The following RNF213 variants were observed in gnomAD, a reference collection of about 807,000 sequenced individuals.
RNF213 encodes E3 ubiquitin-protein ligase RNF213.
In RNF213, 341 loss-of-function variants were observed where a neutral mutation model predicts 514.4. That is an observed-to-expected ratio of 0.66 (90% CI 0.61 to 0.73). The LOEUF is 0.73. RNF213 is among the 30% of genes least tolerant of loss of function. The probability of loss-of-function intolerance (pLI) is 0.00; values close to 1 mark genes in which losing one functional copy is unlikely to be tolerated. For missense variants in RNF213, 5,767 were observed against 6,615.6 expected, an observed-to-expected ratio of 0.87 and a Z score of 4.45; for synonymous variants, 2,655 against 2,658.2, an observed-to-expected ratio of 1.00 and a Z score of 0.04.
At chr17:80,268,962 T>G (rs1485576568) in intron 2 of RNF213, among the ~76,000 whole-genome samples, 2 of 152,154 alleles carry the variant, frequency 1.3e-5, no homozygotes, top group Non-Finnish European at 2.9e-5. Flanking sequence ...CTTCAGTCTG[T>G]GGCTGAAGAC....
chr17:80,383,536 A>G, intron 58 of RNF213, 141 bp from the exon 59 acceptor site: 1 of 818,906 alleles, frequency 1.2e-6, no homozygotes, highest in East Asian at 2.5e-5. Flanking sequence ...AGAAGATCAA[A>G]GGGAATACCT....
intron 39 of RNF213, among the ~76,000 whole-genome samples, chr17:80,362,600 G>A (rs1367710493): frequency 6.6e-6 from 1 of 152,262 alleles, no homozygotes; most frequent in Non-Finnish European, 1.5e-5. Context: ...CCACGCGGCT[G>A]ACAGTGTAGC....
rs772480406 is a variant in RNF213 at position 80,348,123 on chromosome 17, C to T, written c.9788C>T (p.Thr3263Met). ...EAKSILLNCA[T>M]PDAVVRLSAY... ...AAATCGATCCTGCTGAACTGCGCTA[C>T]GCCCGATGCCGTGGTCCGGCTGAGC... The change falls in exon 29 of 68, where the codon ACG becomes ATG. Residue 3263 changes from threonine (T) to methionine (M), a missense_variant. Coordinates refer to ENST00000582970, the MANE Select transcript of RNF213 (RefSeq NM_001256071.3). 13 of 1,613,996 alleles carry T rather than the reference C, an allele frequency of 8.1e-6. No homozygotes were observed. In the East Asian group the frequency reaches 1.3e-4, roughly 17 times the overall value.
At chr17:80,316,990 G>A (rs2045968766) in intron 15 of RNF213, among the ~76,000 whole-genome samples, 198 bp from the exon 16 acceptor site, 1 of 152,240 alleles carries the variant, frequency 6.6e-6, no homozygotes, top group Admixed American at 6.5e-5. Context: ...TTGGGTCTCT[G>A]ATTCTAGAAA....
At chr17:80,371,695 T>C (rs1170823237) in intron 46 of RNF213, 179 bp from the exon 47 acceptor site, 1 of 535,972 alleles carries the variant, frequency 1.9e-6, no homozygotes. Context: ...GTGAGTTTTA[T>C]ATTCCTCCAG....
In RNF213 at chr17:80,337,515, G is replaced by C; in HGVS notation, c.4528-71G>C. 6 of 1,510,606 alleles carry C rather than the reference G, an allele frequency of 4.0e-6. No individual in the cohort carries two copies. The South Asian group carries it at 7.4e-5, about 19-fold the overall frequency. 93.6% of individuals were successfully genotyped at this position (1,510,606 alleles called of 1,614,324 possible). A position where few individuals can be genotyped will look rare whatever the true frequency, so the allele number is the denominator to read the frequency against. ...TGCAGCGAGGCAGAGGCGGGAGGCC[G>C]ACCACAGGAGGGAGAAGGGCAAGAT... On this transcript the variant is annotated intron_variant, in intron 23 of 67. Transcript: ENST00000582970.
Position 80,390,155 on chromosome 17 carries a change from C to G in RNF213, c.15429C>G (p.Asn5143Lys). ...AAATGATAATCTTGAAACTAAAGAA[C>G]CCCCAAACCCAAACCGAGGAGCGCT... ...LHEMIILKLK[N>K]PQTQTEERFR... Residue 5143 changes from asparagine (N) to lysine (K), a missense_variant, in exon 67 of 68, where the codon AAC (asparagine) becomes AAG (lysine). Physicochemically the swap from Asn to Lys is moderately conservative, Grantham distance 94 (BLOSUM62 0). Coordinates refer to ENST00000582970, the MANE Select transcript of RNF213 (RefSeq NM_001256071.3). The G allele has an allele frequency of 1.9e-6, 3 of 1,614,176 alleles. No individual in the cohort carries two copies. The highest frequency in any genetic ancestry group is 2.5e-6 in the Non-Finnish European group (3 of 1,180,044).
At position 80,354,552 on chromosome 17, in the gene RNF213, C is replaced by A. The variant is rs2078659511; in HGVS notation, c.10838C>A (p.Ala3613Asp). ...GCAAGGGAAGCCTGCAACCAGGACG[C>A]TCTCCAGGAGGCGGGCACATTCAGG... ...WLAREACNQD[A>D]LQEAGTFRHT... Residue 3613 changes from alanine (A) to aspartate (D), a missense_variant, in exon 36 of 68, where the codon GCT (alanine) becomes GAT (aspartate). Around this residue, in one of 13 missense-constraint regions of RNF213, gnomAD observed 919 missense variants for 1,121.0 expected, o/e 0.82. Transcript: ENST00000582970. 1 of 1,614,104 alleles carries A rather than the reference C, an allele frequency of 6.2e-7. No individual in the cohort carries two copies. The highest frequency in any genetic ancestry group is 8.5e-7 in the Non-Finnish European group (1 of 1,180,050).
intron 18 of RNF213, 37 bp downstream of exon 18, chr17:80,325,235 C>T (rs2046248983): frequency 1.3e-6 from 2 of 1,499,788 alleles, no homozygotes; most frequent in African/African-American, 2.8e-5. Context: ...TCAGCTCAGG[C>T]AAGGTGGTGT....
rs766500100 is a variant in RNF213 at position 80,375,879 on chromosome 17, C to T, written c.13185+9C>T. On this transcript the variant is annotated intron_variant, in intron 51 of 67. Transcript: ENST00000582970. ...TCCACCCCACGCCAGAGGTGAGTAA[C>T]CGCCTGCAGGGCTGTGTTCAAAGTC... is the stretch of plus-strand genomic sequence containing the variant. The T allele has an allele frequency of 7.1e-6, 11 of 1,552,034 alleles. No individual in the cohort carries two copies. The Admixed American group carries it at 1.8e-4, about 26-fold the overall frequency.
intron 62 of RNF213, 49 bp from the exon 63 acceptor site, chr17:80,386,641 G>C (rs1282825923): frequency 4.4e-6 from 7 of 1,592,484 alleles, no homozygotes; most frequent in African/African-American, 1.3e-5. Flanking sequence ...TAGAGCCCTA[G>C]GCCCGCATGC....
In RNF213 at chr17:80,295,766, A is replaced by G. The variant is rs1182194724; in HGVS notation, c.1965A>G (p.Pro655=). 3 of 1,614,240 alleles carry G rather than the reference A, an allele frequency of 1.9e-6. No individual in the cohort carries two copies. The South Asian group carries it at 3.3e-5, about 18-fold the overall frequency. ...CHLLTSDASS[P]DEFHRDLSHI... is the part of the protein sequence containing the mutation. ...TCCTAACCTCAGATGCCAGCTCACC[A>G]GATGAGTTTCACCGTGACCTAAGCC... The change falls in exon 10 of 68, where the codon CCA becomes CCG. Residue 655 remains proline, a synonymous_variant. Coordinates refer to ENST00000582970, the MANE Select transcript of RNF213 (RefSeq NM_001256071.3).
At chr17:80,333,636 G>C (rs1018489568) in intron 21 of RNF213, among the ~76,000 whole-genome samples, 2 of 151,438 alleles carry the variant, frequency 1.3e-5, no homozygotes, top group Admixed American at 6.6e-5. Flanking sequence ...GGAGGTTGCA[G>C]TGAACCGAGA....
At position 80,349,421 on chromosome 17, in the gene RNF213, A is replaced by C. The variant is rs567255994; in HGVS notation, c.9952-349A>C. On this transcript the variant is annotated intron_variant, in intron 29 of 67. Coordinates refer to ENST00000582970, the MANE Select transcript of RNF213 (RefSeq NM_001256071.3). ...AGCACCAACCACGAACTCCATCTGAAAGCATGAGTCGTACTATAACAGGAA... is the reference window on the plus strand; with the variant it reads ...AGCACCAACCACGAACTCCATCTGACAGCATGAGTCGTACTATAACAGGAA... 2.0e-5 allele frequency among the ~76,000 whole-genome samples: 3 copies of C among 152,246 alleles called. No homozygotes were observed. In the South Asian group the frequency reaches 6.2e-4, roughly 32 times the overall value.
Position 80,377,048 on chromosome 17 carries a change from G to A in RNF213, c.13510+85G>A, listed in dbSNP as rs2079789258. 2.8e-6 allele frequency: 3 copies of A among 1,089,358 alleles called. No individual in the cohort carries two copies. The highest frequency in any genetic ancestry group is 4.1e-6 in the Non-Finnish European group (3 of 724,126). The allele number at this position is 1,089,358 out of a possible 1,614,324, so 67.5% of individuals were successfully genotyped here. A position where few individuals can be genotyped will look rare whatever the true frequency, so the allele number is the denominator to read the frequency against. On this transcript the variant is annotated intron_variant, in intron 53 of 67. Transcript: ENST00000582970. The surrounding 1 kb of genome is among the most constrained non-coding windows in gnomAD (Gnocchi z 4.1). ...CTATGAAGCATTGGGTTCGACTTGG[G>A]GTCCACGTGGTTTGTGCCTCAGGGT...
At position 80,389,226 on chromosome 17, in the gene RNF213, C is replaced by CA; in HGVS notation, c.15055dup (p.Ser5019LysfsTer5). 1 of 1,614,226 alleles carries CA rather than the reference C, an allele frequency of 6.2e-7. No individual in the cohort carries two copies. Among genetic ancestry groups the CA allele is most frequent in the Non-Finnish European group, 8.5e-7 (1 of 1,180,030 alleles). On this transcript the variant is annotated frameshift_variant, in exon 65 of 68. Coordinates refer to ENST00000582970, the MANE Select transcript of RNF213 (RefSeq NM_001256071.3). LOFTEE classifies it high-confidence loss of function. ...CCATCAGTGGACAGCTGCAGTCCTA[C>CA]AGCGATGCCTGTGAAGTGCTGTCTG...
chr17:80,349,907 G>A lies in RNF213; in HGVS notation c.10088+1G>A. 6.2e-7 allele frequency: 1 copy of A among 1,613,146 alleles called. No individual in the cohort carries two copies. The highest frequency in any genetic ancestry group is 8.5e-7 in the Non-Finnish European group (1 of 1,179,808). On this transcript the variant is annotated splice_donor_variant, in intron 30 of 67. Transcript: ENST00000582970. LOFTEE classifies it high-confidence loss of function. ...AGTACTCATTCCTCAAAGAAGTCCG[G>A]TGAGGTTCCCTGCCTTCCCTGCTGC...
rs944500375 is a variant in RNF213 at position 80,394,117 on chromosome 17, G to A, written c.*619G>A. On this transcript the variant is annotated 3_prime_UTR_variant, in exon 68 of 68. Coordinates refer to ENST00000582970, the MANE Select transcript of RNF213 (RefSeq NM_001256071.3). ...GTGAGCCACTGCCCCACTTCAGAGGGTAAGAGCCAAAAGCCTCATTGTGAA... is the reference window on the plus strand; with the variant it reads ...GTGAGCCACTGCCCCACTTCAGAGGATAAGAGCCAAAAGCCTCATTGTGAA... 6.5e-6 allele frequency: 1 copy of A among 153,844 alleles called. No homozygotes were observed. Among genetic ancestry groups the A allele is most frequent in the Non-Finnish European group, 1.4e-5 (1 of 69,162 alleles). 9.5% of individuals were successfully genotyped at this position (153,844 alleles called of 1,614,324 possible).
intron 12 of RNF213, 58 bp from the exon 13 acceptor site, chr17:80,307,070 T>G: frequency 6.5e-7 from 1 of 1,541,336 alleles, no homozygotes; most frequent in South Asian, 1.1e-5. Flanking sequence ...GTTTTAGCAA[T>G]GACAGTGGCA....
Sources: gnomAD v4.1 joint callset for allele counts (sites outside exome capture counted in the v4.1 genomes callset) on GRCh38, gnomAD v4.1.1 for gene constraint, gnomAD v4.1.1 regional missense constraint, Gnocchi (gnomAD v3.1) non-coding constraint, MANE v1.5 for transcripts, NCBI Gene and HGNC (gene_info 2026-07-23, HGNC 2026-07-21) for gene names.